Variants in PDZD9 observed in about 807,000 individuals in gnomAD.
PDZD9 encodes PDZ domain-containing protein 9.
PDZD9 carries 13 observed loss-of-function variants against 16.3 expected under a neutral mutation model. The ratio of observed to expected loss-of-function variants is 0.80; its 90% CI spans 0.52 to 1.27. The LOEUF (loss-of-function observed/expected upper bound fraction) is 1.27, where lower values mean the gene tolerates loss of function less well. Among genes scored for constraint, PDZD9 ranks in the 50% most tolerant of loss-of-function variants. The pLI, the probability that PDZD9 is intolerant of heterozygous loss-of-function variation, is 0.00. For missense variants in PDZD9, 288 were observed against 310.9 expected (o/e 0.93, Z 0.55); for synonymous variants, 120 against 111.0 (o/e 1.08, Z -0.51).
At chr16:21,958,339 T>C in the PDZD9 span, among the ~76,000 whole-genome samples, 1 of 152,372 alleles carries the variant, frequency 6.6e-6, no homozygotes, top group Admixed American at 6.5e-5. Flanking sequence ...GTGGAAATTT[T>C]ACATGAATGT....
chr16:21,988,652 T>C lies in PDZD9; in HGVS notation c.351A>G (p.Glu117=), dbSNP rs1898942331. 6.2e-7 allele frequency: 1 copy of C among 1,613,234 alleles called. No individual in the cohort carries two copies. The highest frequency in any genetic ancestry group is 8.5e-7 in the Non-Finnish European group (1 of 1,179,642). The change falls in exon 3 of 4, where the codon GAA becomes GAG. Residue 117 remains glutamate (E), a synonymous_variant. Coordinates refer to ENST00000424898, the MANE Select transcript of PDZD9 (RefSeq NM_001363519.1). ...GGATTAAATCATATATTTCTTGCCA[T>C]TCTTCAGGAATGTTAATAAAATCTC... ...VYRDFINIPE[E]WQEIYDLIPE... is the part of the protein sequence containing the mutation.
rs762292445 is a variant in PDZD9 at position 21,984,447 on chromosome 16, G to A, written c.615C>T (p.Asp205=). 25 of 1,613,944 alleles carry A rather than the reference G, an allele frequency of 1.5e-5. No homozygotes were observed. Among genetic ancestry groups the A allele is most frequent in the Middle Eastern group, 1.7e-4 (1 of 6,060 alleles). The change falls in exon 4 of 4, where the codon GAC becomes GAT. Residue 205 remains aspartate (D), a synonymous_variant. Transcript: ENST00000424898. ...TISVGKDINC[D]VMIHRDDKKE... ...TCTTGTCGTCTCTGTGAATCATCAC[G>A]TCACAATTAATGTCTTTTCCTACAC...
chr16:21,971,655 G>A, the PDZD9 span: 1 of 1,598,380 alleles, frequency 6.3e-7, no homozygotes, highest in African/African-American at 1.3e-5. Context: ...TAATTTATCA[G>A]AAGGGCGTTT....
In PDZD9 at chr16:22,001,023, T is replaced by C. The variant is rs966864272; in HGVS notation, c.25A>G (p.Lys9Glu). 21 of 1,533,228 alleles carry C rather than the reference T, an allele frequency of 1.4e-5. No homozygotes were observed. The highest frequency in any genetic ancestry group is 2.0e-5 in the Admixed American group (1 of 50,528). 95.0% of individuals were successfully genotyped at this position (1,533,228 alleles called of 1,614,324 possible). Reference protein sequence around the residue: MQKASHKNKKERGVSNKVK... With the variant: MQKASHKNEKERGVSNKVK... ...CTTCCTTCTCCCCAGTTACCTTTTT[T>C]GTTTTTGTGGGAGGCCTTCTGCATG... The change falls in exon 1 of 4, where the codon AAA becomes GAA. Residue 9 changes from lysine to glutamate, a missense_variant. By Grantham distance (56) the Lys-to-Glu change is moderately conservative. Transcript: ENST00000424898.
the PDZD9 span, among the ~76,000 whole-genome samples, chr16:21,966,402 C>A: frequency 6.6e-6 from 1 of 152,108 alleles, no homozygotes; most frequent in Non-Finnish European, 1.5e-5. Context: ...ACATTGAATG[C>A]TAAATCTACA....
At chr16:21,976,560 TTA>T in the PDZD9 span, 16 of 241,082 alleles carry the variant, frequency 6.6e-5, no homozygotes, top group Admixed American at 2.6e-4. Context: ...AACATTTTTC[TTA>T]GTTTATTGAT....
the PDZD9 span, chr16:21,958,566 C>T: frequency 6.2e-7 from 1 of 1,612,406 alleles, no homozygotes; most frequent in Non-Finnish European, 8.5e-7. Flanking sequence ...TTCAAGATAA[C>T]CCGTGGAATT....
chr16:21,972,704 C>T, the PDZD9 span, among the ~76,000 whole-genome samples: 1 of 152,090 alleles, frequency 6.6e-6, no homozygotes, highest in Non-Finnish European at 1.5e-5. Context: ...GTGAAACCCC[C>T]ATCTCTCCTA....
the PDZD9 span, chr16:21,968,630 A>G: frequency 6.2e-7 from 1 of 1,607,064 alleles, no homozygotes; most frequent in Non-Finnish European, 8.5e-7. Flanking sequence ...TTCCTCAGTT[A>G]CATTACTTCG....
At chr16:21,957,943 C>G in the PDZD9 span, among the ~76,000 whole-genome samples, 1 of 152,212 alleles carries the variant, frequency 6.6e-6, no homozygotes, top group African/African-American at 2.4e-5. Context: ...CTGTCTGTGT[C>G]CACATTTCCT....
chr16:22,000,508 A>G (rs887526383), intron 1 of PDZD9, among the ~76,000 whole-genome samples: 9 of 152,046 alleles, frequency 5.9e-5, no homozygotes, highest in African/African-American at 1.7e-4. Context: ...ACGTGGGTAT[A>G]GCTTGTCAAA....
At chr16:21,972,994 G>A in the PDZD9 span, among the ~76,000 whole-genome samples, 1 of 152,218 alleles carries the variant, frequency 6.6e-6, no homozygotes. Context: ...CAGCTACTTG[G>A]GAGGCTGAGG....
chr16:21,986,627 C>A (rs1045729833), intron 3 of PDZD9, among the ~76,000 whole-genome samples: 2 of 152,146 alleles, frequency 1.3e-5, no homozygotes, highest in African/African-American at 2.4e-5. Flanking sequence ...AAGTGAACCA[C>A]TGACCACATG....
In PDZD9 at chr16:21,984,239, G is replaced by GAT. The variant is rs748031312; in HGVS notation, c.*26_*27dup. 18 of 1,579,330 alleles carry GAT rather than the reference G, an allele frequency of 1.1e-5. No individual in the cohort carries two copies. The highest frequency in any genetic ancestry group is 3.4e-4 in the Middle Eastern group (2 of 5,886). On this transcript the variant is annotated 3_prime_UTR_variant, in exon 4 of 4. Coordinates refer to ENST00000424898, the MANE Select transcript of PDZD9 (RefSeq NM_001363519.1). ...AGGCACAAAACTTGGGTGTCTGCAA[G>GAT]ATAAATGCTCATATGACCACAGATT...
intron 1 of PDZD9, chr16:21,998,889 T>C (rs1458787694): frequency 4.7e-6 from 1 of 211,884 alleles, no homozygotes; most frequent in Non-Finnish European, 1.1e-5. Context: ...TCTCAAATGC[T>C]AGCAACATAC....
the PDZD9 span, chr16:21,976,174 A>G: frequency 6.2e-6 from 10 of 1,613,738 alleles, no homozygotes; most frequent in African/African-American, 2.7e-5. Context: ...TAGGTTATCA[A>G]GGCTGCCTAT....
chr16:21,999,693 A>T (rs1328549868), intron 1 of PDZD9: 1 of 152,358 alleles, frequency 6.6e-6, no homozygotes, highest in African/African-American at 2.4e-5. Context: ...CCTGGGGGCT[A>T]GCAGAAGTAT....
At chr16:21,957,697 T>G in the PDZD9 span, 2 of 1,321,180 alleles carry the variant, frequency 1.5e-6, no homozygotes, top group Non-Finnish European at 2.1e-6. Context: ...ACGGACTGGG[T>G]AGCTTAAACC....
chr16:21,962,878 G>A, the PDZD9 span: 25 of 1,613,608 alleles, frequency 1.5e-5, no homozygotes, highest in Middle Eastern at 1.6e-4. Flanking sequence ...TTCAGAATCC[G>A]CAGACTCGTA....
Sources: allele counts gnomAD v4.1 joint callset (sites outside exome capture counted in the v4.1 genomes callset), GRCh38; gene constraint gnomAD v4.1.1; transcripts MANE v1.5; gene names NCBI Gene and HGNC (gene_info 2026-07-23, HGNC 2026-07-21).